Variants in CCDC198 observed in about 807,000 individuals in gnomAD.
CCDC198 encodes the protein coiled-coil domain containing 198.
Under a neutral mutation model 35.6 loss-of-function variants are expected in CCDC198, and 18 were observed. That is an observed-to-expected ratio of 0.51 (90% confidence interval 0.35 to 0.75). CCDC198 has a LOEUF of 0.75. Ranked by LOEUF, CCDC198 falls within the 30% of genes least tolerant of loss-of-function variation. The probability of loss-of-function intolerance (pLI) is 0.01; values close to 1 mark genes in which losing one functional copy is unlikely to be tolerated. For synonymous variants in CCDC198, 119 were observed against 113.4 expected (o/e 1.05, Z -0.31); for missense variants, 365 against 343.7 (o/e 1.06, Z -0.49).
chr14:57,475,694 C>T (rs149469713), intron 5 of CCDC198: 9 of 385,908 alleles, frequency 2.3e-5, no homozygotes, highest in East Asian at 1.8e-4. Flanking sequence ...GTAACAGGAG[C>T]GAAACTCTGT....
chr14:57,483,679 G>A (rs577305726), intron 2 of CCDC198, among the ~76,000 whole-genome samples: 55 of 152,248 alleles, frequency 3.6e-4, no homozygotes, highest in African/African-American at 1.3e-3. Context: ...TTTCTAGCAG[G>A]GGCTTGGCTT....
rs750106322 is a variant in CCDC198 at position 57,480,701 on chromosome 14, T to G, written c.549A>C (p.Gln183His). Residue 183 changes from glutamine (Q) to histidine (H), a missense_variant, in exon 5 of 6, where the codon CAA (glutamine) becomes CAC (histidine). Coordinates refer to ENST00000216445, the MANE Select transcript of CCDC198 (RefSeq NM_018168.4). ...SLHGEARINK[Q>H]SPRDHKAKKT... ...TCTTGGCTTTATGGTCCCTTGGACT[T>G]TGCTTATTAATTCTTGCCTCTCCAT... 1 of 1,614,162 alleles carries G rather than the reference T, an allele frequency of 6.2e-7. No individual in the cohort carries two copies. Among genetic ancestry groups the G allele is most frequent in the Non-Finnish European group, 8.5e-7 (1 of 1,179,996 alleles).
Position 57,480,663 on chromosome 14 carries a change from CT to C in CCDC198, c.586del (p.Ser196AlafsTer11). 1 of 1,614,130 alleles carries C rather than the reference CT, an allele frequency of 6.2e-7. No individual in the cohort carries two copies. Among genetic ancestry groups the C allele is most frequent in the Non-Finnish European group, 8.5e-7 (1 of 1,180,002 alleles). On this transcript the variant is annotated frameshift_variant, in exon 5 of 6. Transcript: ENST00000216445. LOFTEE classifies it high-confidence loss of function. The stretch of plus-strand genomic sequence containing the variant: ...GTCATGGTCATCATTCCTTGGGGTG[CT>C]TTGAAGGGTTTTCTTGGCTTTATGG... ...RDHKAKKTLQSTPRNDDHDLL... is the reference protein window; with the variant it reads ...RDHKAKKTLQXTPRNDDHDLL...
chr14:57,474,757 G>A (rs2066917801), intron 5 of CCDC198, among the ~76,000 whole-genome samples: 1 of 152,194 alleles, frequency 6.6e-6, no homozygotes, highest in South Asian at 2.1e-4. Context: ...GGTTTCGGGT[G>A]AGCAGAGTAA....
Position 57,480,671 on chromosome 14 carries a change from G to A in CCDC198, c.579C>T (p.Thr193=), listed in dbSNP as rs1440842483. 2 of 1,613,954 alleles carry A rather than the reference G, an allele frequency of 1.2e-6. No individual in the cohort carries two copies. The highest frequency in any genetic ancestry group is 2.7e-5 in the African/African-American group (2 of 74,890). ...QSPRDHKAKK[T]LQSTPRNDDH... The stretch of plus-strand genomic sequence containing the variant: ...CATCATTCCTTGGGGTGCTTTGAAG[G>A]GTTTTCTTGGCTTTATGGTCCCTTG... Residue 193 remains threonine (T), a synonymous_variant, in exon 5 of 6, where the codon ACC becomes ACT. Coordinates refer to ENST00000216445, the MANE Select transcript of CCDC198 (RefSeq NM_018168.4).
intron 5 of CCDC198, among the ~76,000 whole-genome samples, chr14:57,477,377 TA>T (rs1233080598): frequency 6.6e-6 from 1 of 152,228 alleles, no homozygotes; most frequent in Non-Finnish European, 1.5e-5. Flanking sequence ...CATGTTATTC[TA>T]AAAGTCTAGT....
chr14:57,488,725 C>T (rs1269450210), intron 2 of CCDC198, among the ~76,000 whole-genome samples: 2 of 152,078 alleles, frequency 1.3e-5, no homozygotes, highest in African/African-American at 4.8e-5. Flanking sequence ...AGGACATGAA[C>T]AGACACTTCT....
At chr14:57,477,092 G>A (rs542785171) in intron 5 of CCDC198, among the ~76,000 whole-genome samples, 27 of 152,310 alleles carry the variant, frequency 1.8e-4, no homozygotes, top group African/African-American at 5.8e-4. Flanking sequence ...GTAGAAGAGA[G>A]GTGGTAATAA....
At chr14:57,472,438 A>T (rs2066850567) in intron 5 of CCDC198, among the ~76,000 whole-genome samples, 1 of 152,132 alleles carries the variant, frequency 6.6e-6, no homozygotes, top group African/African-American at 2.4e-5. Flanking sequence ...TTTCCTTGTT[A>T]TTAAATTGAG....
At chr14:57,488,345 AT>A (rs1289775455) in intron 2 of CCDC198, among the ~76,000 whole-genome samples, 2 of 152,096 alleles carry the variant, frequency 1.3e-5, no homozygotes, top group Non-Finnish European at 2.9e-5. Flanking sequence ...CATGTTAGTT[AT>A]TTTTGCTAGT....
At chr14:57,489,295 G>C (rs2067479411) in intron 2 of CCDC198, among the ~76,000 whole-genome samples, 1 of 152,096 alleles carries the variant, frequency 6.6e-6, no homozygotes. Flanking sequence ...AACACTACAT[G>C]TTCTCACTTA....
At chr14:57,483,248 G>A in intron 2 of CCDC198, 97 bp from the exon 3 acceptor site, 1 of 1,572,308 alleles carries the variant, frequency 6.4e-7, no homozygotes, top group Non-Finnish European at 8.7e-7. Context: ...CTTTGCAAAA[G>A]CGGCACTTAT....
intron 5 of CCDC198, chr14:57,478,367 G>A (rs1446477288): frequency 5.4e-6 from 4 of 737,542 alleles, no homozygotes; most frequent in African/African-American, 3.8e-5. Context: ...GGGGCGAATA[G>A]TAGCTCCTAC....
At chr14:57,482,775 C>A (rs2067230480) in intron 3 of CCDC198, among the ~76,000 whole-genome samples, 2 of 152,120 alleles carry the variant, frequency 1.3e-5, no homozygotes, top group Admixed American at 1.3e-4. Flanking sequence ...TTCAGAATCA[C>A]CAATTTCTAA....
intron 3 of CCDC198, 62 bp from the exon 4 acceptor site, chr14:57,481,722 GT>G: frequency 9.7e-7 from 1 of 1,035,428 alleles, no homozygotes. Context: ...CAATTCACAA[GT>G]TTAGATCCTT....
At chr14:57,489,801 C>G (rs1276280704) in intron 2 of CCDC198, among the ~76,000 whole-genome samples, 1 of 152,068 alleles carries the variant, frequency 6.6e-6, no homozygotes, top group African/African-American at 2.4e-5. Flanking sequence ...TCTATTTGAA[C>G]TAATCAGCTT....
chr14:57,493,800 A>C lies in CCDC198; in HGVS notation c.-85T>G. 9.7e-7 allele frequency: 1 copy of C among 1,033,850 alleles called. No individual in the cohort carries two copies. Among genetic ancestry groups the C allele is most frequent in the Non-Finnish European group, 1.4e-6 (1 of 708,922 alleles). 64.0% of individuals were successfully genotyped at this position (1,033,850 alleles called of 1,614,324 possible). A position where few individuals can be genotyped will look rare whatever the true frequency, so the allele number is the denominator to read the frequency against. ...TAGCTTATTTTAATCAAAGCATTTC[A>C]GAAGTTTACCCTCGCTTTACAAAGC... is the stretch of plus-strand genomic sequence containing the variant. On this transcript the variant is annotated 5_prime_UTR_variant, in exon 1 of 6. Transcript: ENST00000216445.
intron 2 of CCDC198, among the ~76,000 whole-genome samples, chr14:57,490,522 T>C (rs1333692283): frequency 6.6e-6 from 1 of 152,086 alleles, no homozygotes; most frequent in Non-Finnish European, 1.5e-5. Flanking sequence ...CTGTGAGTCT[T>C]TGGGGGTAGT....
chr14:57,488,316 C>G (rs1239056557), intron 2 of CCDC198, among the ~76,000 whole-genome samples: 1 of 152,144 alleles, frequency 6.6e-6, no homozygotes, highest in Non-Finnish European at 1.5e-5. Flanking sequence ...ATAAAACATT[C>G]CTATATCCTT....
Sources: allele counts gnomAD v4.1 joint callset (sites outside exome capture counted in the v4.1 genomes callset), GRCh38; gene constraint gnomAD v4.1.1; transcripts MANE v1.5; gene names NCBI Gene and HGNC (gene_info 2026-07-23, HGNC 2026-07-21).